Variants in PHLDB2 observed in about 807,000 individuals in gnomAD.
PHLDB2 encodes the protein pleckstrin homology like domain family B member 2.
Under a neutral mutation model 123.6 loss-of-function variants are expected in PHLDB2, and 71 were observed. The observed-to-expected ratio is 0.57, with a 90% confidence interval of 0.47 to 0.70. The LOEUF (loss-of-function observed/expected upper bound fraction) is 0.70. Among genes scored for constraint, PHLDB2 ranks in the 30% least tolerant of loss-of-function variants. The probability of loss-of-function intolerance (pLI) is 0.00; values close to 1 mark genes in which losing one functional copy is unlikely to be tolerated. For missense variants in PHLDB2, 1,446 were observed against 1,519.5 expected (o/e 0.95, Z 0.80); for synonymous variants, 547 against 541.6 (o/e 1.01, Z -0.14).
chr3:111,894,931 CGTGTGTGT>C (rs140190800), intron 2 of PHLDB2, among the ~76,000 whole-genome samples: 1 of 149,818 alleles, frequency 6.7e-6, no homozygotes. Context: ...TGCTGGTTTG[CGTGTGTGT>C]GTGTGTGTGT....
chr3:111,750,092 A>T (rs2059744377), intron 1 of PHLDB2, among the ~76,000 whole-genome samples: 5 of 152,396 alleles, frequency 3.3e-5, no homozygotes, highest in Admixed American at 2.6e-4. Flanking sequence ...TTAAGGGGTT[A>T]TATGAGTACC....
chr3:111,905,001 C>T (rs772981186), intron 2 of PHLDB2, among the ~76,000 whole-genome samples: 55 of 152,130 alleles, frequency 3.6e-4, no homozygotes, highest in Admixed American at 1.3e-3. Flanking sequence ...TGAAAGAGAA[C>T]GGCAATGATT....
chr3:111,843,991 T>C (rs926517061), intron 1 of PHLDB2, among the ~76,000 whole-genome samples: 1 of 152,210 alleles, frequency 6.6e-6, no homozygotes, highest in Non-Finnish European at 1.5e-5. Context: ...AATCCTCTAA[T>C]TGTAACCTTC....
intron 1 of PHLDB2, among the ~76,000 whole-genome samples, chr3:111,831,445 T>C (rs1287618700): frequency 1.3e-5 from 2 of 151,828 alleles, no homozygotes; most frequent in Non-Finnish European, 2.9e-5. Context: ...GTAGGGACAG[T>C]AGGGGGGAGT....
intron 15 of PHLDB2, 151 bp downstream of exon 15, chr3:111,967,975 CAAAAAAAAAA>C (rs58918022): frequency 5.5e-4 from 37 of 67,798 alleles, no homozygotes; most frequent in South Asian, 3.0e-3. Flanking sequence ...CATTCCTGTG[CAAAAAAAAAA>C]AAAAAAAAAA....
intron 2 of PHLDB2, among the ~76,000 whole-genome samples, chr3:111,894,754 G>A (rs1336191870): frequency 6.6e-6 from 1 of 151,666 alleles, no homozygotes; most frequent in Non-Finnish European, 1.5e-5. Flanking sequence ...CTTTTTGATA[G>A]GGTTGTTTTT....
At chr3:111,898,162 T>G (rs947382476) in intron 2 of PHLDB2, among the ~76,000 whole-genome samples, 1 of 135,980 alleles carries the variant, frequency 7.4e-6, no homozygotes, top group Non-Finnish European at 1.6e-5. Context: ...GGCAATTTCT[T>G]TGTGTGTGTG....
chr3:111,898,172 G>A (rs913341543), intron 2 of PHLDB2, among the ~76,000 whole-genome samples: 1 of 131,842 alleles, frequency 7.6e-6, no homozygotes, highest in East Asian at 2.2e-4. Context: ...TTGTGTGTGT[G>A]TGTGTGTGTT....
upstream of PHLDB2, among the ~76,000 whole-genome samples, chr3:111,858,738 A>G (rs138847767): frequency 5.4e-4 from 82 of 152,288 alleles, no homozygotes; most frequent in African/African-American, 1.9e-3. Flanking sequence ...CACAATGATC[A>G]TAAGTAGTTT....
At chr3:111,866,966 T>C (rs2065118234) in intron 1 of PHLDB2, among the ~76,000 whole-genome samples, 1 of 151,646 alleles carries the variant, frequency 6.6e-6, no homozygotes, top group Non-Finnish European at 1.5e-5. Context: ...TGTGTGTGTG[T>C]GTGTGTATTT....
intron 6 of PHLDB2, among the ~76,000 whole-genome samples, chr3:111,937,135 T>C (rs1170861265): frequency 1.3e-5 from 2 of 152,230 alleles, no homozygotes; most frequent in Admixed American, 1.3e-4. Flanking sequence ...TTCTTAAGCT[T>C]TGAGAATTGT....
chr3:111,799,962 A>T (rs1483814623), intron 1 of PHLDB2, among the ~76,000 whole-genome samples: 2 of 152,222 alleles, frequency 1.3e-5, no homozygotes, highest in East Asian at 3.8e-4. Context: ...CAATAACAAG[A>T]GTGTATAAAT....
rs186537894 is a variant in PHLDB2, at chr3:111,865,976, T to G, written c.-15+6400T>G. On this transcript the variant is annotated intron_variant, in intron 1 of 17. Coordinates refer to ENST00000431670, the MANE Select transcript of PHLDB2 (RefSeq NM_001134438.2). The stretch of plus-strand genomic sequence containing the variant: ...TATGATATTATCATAATTATTATTT[T>G]TACTTTACAATATTTTAGAAACCTA... 4.7e-5 allele frequency among the ~76,000 whole-genome samples: 7 copies of G among 149,798 alleles called. No individual in the cohort carries two copies. The East Asian group carries it at 1.4e-3, about 30-fold the overall frequency.
intron 12 of PHLDB2, 50 bp from the exon 13 acceptor site, chr3:111,962,058 C>A: frequency 6.5e-7 from 1 of 1,535,082 alleles, no homozygotes; most frequent in South Asian, 1.2e-5. Flanking sequence ...GTTTAAGATT[C>A]AAAGACTGAA....
intron 1 of PHLDB2, among the ~76,000 whole-genome samples, chr3:111,771,336 C>T (rs1012051744): frequency 7.1e-6 from 1 of 140,378 alleles, no homozygotes; most frequent in African/African-American, 2.6e-5. Context: ...TGCATCACCC[C>T]ATCACTGCCT....
intron 1 of PHLDB2, among the ~76,000 whole-genome samples, chr3:111,738,191 T>A (rs1336144074): frequency 6.6e-6 from 1 of 152,216 alleles, no homozygotes; most frequent in Non-Finnish European, 1.5e-5. Flanking sequence ...CTACTCAAAT[T>A]CATCTCATTT....
chr3:111,808,413 C>G (rs1293058973), intron 1 of PHLDB2, among the ~76,000 whole-genome samples: 1 of 151,942 alleles, frequency 6.6e-6, no homozygotes, highest in East Asian at 1.9e-4. Flanking sequence ...AAGGAGGTTG[C>G]CCTTCACCTC....
chr3:111,830,971 A>G lies in PHLDB2; in HGVS notation c.-48-14850A>G, dbSNP rs1032979089. Among the ~76,000 whole-genome samples, 165 of 38,076 alleles carry G rather than the reference A, an allele frequency of 4.3e-3. 13 individuals carry two copies. The highest frequency in any genetic ancestry group is 0.023 in the South Asian group (29 of 1,246). 25.0% of individuals were successfully genotyped at this position (38,076 alleles called of 152,430 possible). A position where few individuals can be genotyped will look rare whatever the true frequency, so the allele number is the denominator to read the frequency against. ...AGAAAGAAAGAGAAAGAAAGAAAGA[A>G]AGAAAGAAAGAAAGAAAGAAAGAAA... On this transcript the variant is annotated intron_variant, in intron 1 of 17. Transcript: ENST00000393923.
intron 16 of PHLDB2, among the ~76,000 whole-genome samples, chr3:111,971,972 G>A (rs867970314): frequency 1.6e-4 from 25 of 152,164 alleles, no homozygotes; most frequent in Non-Finnish European, 3.4e-4. Context: ...AATGTGCAGC[G>A]TTATCTCATC....
Sources: allele counts gnomAD v4.1 joint callset (sites outside exome capture counted in the v4.1 genomes callset), GRCh38; gene constraint gnomAD v4.1.1; transcripts MANE v1.5; gene names NCBI Gene and HGNC (gene_info 2026-07-23, HGNC 2026-07-21).